The following DACH2 variants were observed in gnomAD, a reference collection of about 807,000 sequenced individuals.
DACH2 encodes dachshund family transcription factor 2.
DACH2 carries 17 observed loss-of-function variants against 35.8 expected under a neutral mutation model. The observed-to-expected ratio is 0.48, with a 90% confidence interval of 0.33 to 0.71. DACH2 has a LOEUF of 0.71. DACH2 is among the 30% of genes least tolerant of loss of function. DACH2 has a pLI of 0.02. For synonymous variants in DACH2, 195 were observed against 177.3 expected (o/e 1.10, Z -0.79); for missense variants, 469 against 472.7 (o/e 0.99, Z 0.07).
At chrX:86,450,244 G>T (rs758275846) in intron 2 of DACH2, among the ~76,000 whole-genome samples, 1 of 110,291 alleles carries the variant, frequency 9.1e-6, no homozygotes, top group South Asian at 3.9e-4. Context: ...CCAACAACAG[G>T]CCCCAGTGTA....
intron 11 of DACH2, 79 bp from the exon 12 acceptor site, chrX:86,832,027 A>AAGAT (rs888463590): frequency 5.6e-5 from 37 of 661,138 alleles, no homozygotes; most frequent in Admixed American, 2.8e-4. Context: ...TAGGTTCCTG[A>AAGAT]AGATAGAAGT....
At chrX:86,664,816 C>A (rs1250003122) in intron 4 of DACH2, among the ~76,000 whole-genome samples, 1 of 112,182 alleles carries the variant, frequency 8.9e-6, no homozygotes, top group Non-Finnish European at 1.9e-5. Context: ...GTTCTACACC[C>A]ACCATGAATT....
At chrX:86,305,984 A>G (rs954273315) in intron 1 of DACH2, among the ~76,000 whole-genome samples, 2 of 112,303 alleles carry the variant, frequency 1.8e-5, no homozygotes, top group African/African-American at 6.5e-5. Flanking sequence ...GAGAACTTTT[A>G]TACACTGTTG....
chrX:86,804,910 C>T (rs1364617443), intron 7 of DACH2, among the ~76,000 whole-genome samples: 4 of 112,067 alleles, frequency 3.6e-5, no homozygotes, highest in East Asian at 5.7e-4. Flanking sequence ...TCAACCTCCA[C>T]GGTTACTCTC....
chrX:86,337,183 C>T (rs1402585234), intron 1 of DACH2, among the ~76,000 whole-genome samples: 2 of 111,289 alleles, frequency 1.8e-5, no homozygotes, highest in East Asian at 5.7e-4. Context: ...ACTTCTTCAA[C>T]CTATCAAGAC....
At chrX:86,420,687 G>T (rs1353500633) in intron 2 of DACH2, among the ~76,000 whole-genome samples, 1 of 111,194 alleles carries the variant, frequency 9.0e-6, no homozygotes, top group Non-Finnish European at 1.9e-5. Context: ...ATTGCTTAAT[G>T]TCAGAAGTTA....
chrX:86,282,008 A>G (rs746199675), intron 1 of DACH2, among the ~76,000 whole-genome samples: 2 of 112,249 alleles, frequency 1.8e-5, no homozygotes, highest in South Asian at 7.4e-4. Flanking sequence ...ACAGGACACA[A>G]ACAAATGGAA....
intron 7 of DACH2, among the ~76,000 whole-genome samples, chrX:86,799,617 A>T (rs1422710384): frequency 8.9e-6 from 1 of 112,200 alleles, no homozygotes; most frequent in East Asian, 2.8e-4. Context: ...TTTAGAGCTA[A>T]TCTGAGAGAG....
chrX:86,188,397 T>C (rs1375090541), intron 1 of DACH2, among the ~76,000 whole-genome samples: 2 of 111,715 alleles, frequency 1.8e-5, no homozygotes, highest in Non-Finnish European at 3.8e-5. Context: ...ATAAAGTATT[T>C]ATTGGTGGCT....
At chrX:86,476,468 G>T (rs2148228474) in intron 2 of DACH2, among the ~76,000 whole-genome samples, 1 of 111,506 alleles carries the variant, frequency 9.0e-6, no homozygotes, top group African/African-American at 3.2e-5. Flanking sequence ...CTAATCCTTT[G>T]AACTTCTGCA....
intron 7 of DACH2, among the ~76,000 whole-genome samples, chrX:86,776,861 G>T (rs1046090327): frequency 1.8e-5 from 2 of 111,483 alleles, no homozygotes; most frequent in Non-Finnish European, 3.8e-5. Flanking sequence ...CCTTGCAATA[G>T]ATTGCTGAGA....
At chrX:86,180,202 A>ATT (rs1555987593) in intron 1 of DACH2, among the ~76,000 whole-genome samples, 12 of 89,050 alleles carry the variant, frequency 1.3e-4, no homozygotes, top group African/African-American at 4.9e-4. Context: ...ATATATATAT[A>ATT]TATATGGTTC....
intron 1 of DACH2, among the ~76,000 whole-genome samples, chrX:86,186,636 C>A (rs761645331): frequency 7.2e-5 from 8 of 111,270 alleles, no homozygotes; most frequent in Non-Finnish European, 1.1e-4. Flanking sequence ...AGTCTTACAT[C>A]TCGGCTGCAC....
chrX:86,255,466 C>A (rs1250619581), intron 1 of DACH2, among the ~76,000 whole-genome samples: 1 of 111,557 alleles, frequency 9.0e-6, no homozygotes, highest in East Asian at 2.8e-4. Flanking sequence ...GAAGAAGGTG[C>A]AGTGTGTAGT....
chrX:86,183,092 T>G (rs2031552685), intron 1 of DACH2, among the ~76,000 whole-genome samples: 1 of 111,563 alleles, frequency 9.0e-6, no homozygotes, highest in South Asian at 3.8e-4. Flanking sequence ...GATGATGGGG[T>G]TTTCTAAATG....
intron 3 of DACH2, among the ~76,000 whole-genome samples, chrX:86,557,373 T>C (rs1001938846): frequency 9.1e-6 from 1 of 110,070 alleles, no homozygotes; most frequent in Admixed American, 9.7e-5. Context: ...AGTCAGGTAG[T>C]GTGATGCCTC....
At chrX:86,705,806 G>GCAAAATT (rs2041209410) in intron 5 of DACH2, among the ~76,000 whole-genome samples, 1 of 111,570 alleles carries the variant, frequency 9.0e-6, no homozygotes, top group Non-Finnish European at 1.9e-5. Flanking sequence ...GCTTACCACA[G>GCAAAATT]CACAATTCAC....
At chrX:86,689,744 TG>T (rs747985858) in intron 4 of DACH2, among the ~76,000 whole-genome samples, 4 of 112,129 alleles carry the variant, frequency 3.6e-5, no homozygotes, top group South Asian at 7.3e-4. Flanking sequence ...AAAGTTTCAA[TG>T]TAAGTACAGC....
At chrX:86,271,374 T>C (rs1471531456) in intron 1 of DACH2, among the ~76,000 whole-genome samples, 1 of 112,615 alleles carries the variant, frequency 8.9e-6, no homozygotes, top group African/African-American at 3.2e-5. Context: ...ATAGTTAATT[T>C]GATTTTTCCT....
Sources: gnomAD v4.1 joint callset for allele counts (sites outside exome capture counted in the v4.1 genomes callset) on GRCh38, gnomAD v4.1.1 for gene constraint, MANE v1.5 for transcripts, NCBI Gene and HGNC (gene_info 2026-07-23, HGNC 2026-07-21) for gene names.